LAMA3: variants seen among roughly 807,000 people sequenced by gnomAD.
LAMA3 encodes laminin subunit alpha-3.
A neutral mutation model predicts 402.0 loss-of-function variants in LAMA3; 281 were observed. The ratio of observed to expected loss-of-function variants is 0.70; its 90% confidence interval spans 0.63 to 0.77. The LOEUF (loss-of-function observed/expected upper bound fraction) is 0.77. Among genes scored for constraint, LAMA3 ranks in the 30% least tolerant of loss-of-function variants. LAMA3 has a pLI of 0.00. For synonymous variants in LAMA3, 1,431 were observed against 1,558.4 expected, an observed-to-expected ratio of 0.92 and a Z score of 1.93; for missense variants, 3,840 against 4,215.5, an observed-to-expected ratio of 0.91 and a Z score of 2.47.
At chr18:23,896,166 A>G (rs915889435) in intron 44 of LAMA3, among the ~76,000 whole-genome samples, 1 of 151,828 alleles carries the variant, frequency 6.6e-6, no homozygotes, top group Non-Finnish European at 1.5e-5. Flanking sequence ...TGAAACTCCA[A>G]CTCTACTAAA....
chr18:23,926,032 G>A (rs2145354432), intron 62 of LAMA3, among the ~76,000 whole-genome samples: 1 of 152,336 alleles, frequency 6.6e-6, no homozygotes, highest in South Asian at 2.1e-4. Flanking sequence ...TATGGGCATA[G>A]TAGCTGCCTA....
At chr18:23,793,075 A>C (rs1396313233) in intron 12 of LAMA3, among the ~76,000 whole-genome samples, 1 of 152,328 alleles carries the variant, frequency 6.6e-6, no homozygotes, top group East Asian at 1.9e-4. Context: ...AACTGTAGAC[A>C]GAGCACTTCC....
chr18:23,713,878 T>C lies in LAMA3; in HGVS notation c.295-42T>C, dbSNP rs765497590. ...AAAAAATTACTTGAAAGTAAAAAAA[T>C]AAAAAACAAAAAACAAAAAAAACCC... On this transcript the variant is annotated intron_variant, in intron 1 of 74. Transcript: ENST00000313654. 3.8e-6 allele frequency: 6 copies of C among 1,587,046 alleles called. No homozygotes were observed. In the East Asian group the frequency reaches 9.0e-5, roughly 24 times the overall value.
Position 23,904,714 on chromosome 18 carries a change from G to A in LAMA3, c.6615+20G>A, listed in dbSNP as rs2081188171. 6.2e-7 allele frequency: 1 copy of A among 1,613,426 alleles called. No individual in the cohort carries two copies. The highest frequency in any genetic ancestry group is 8.5e-7 in the Non-Finnish European group (1 of 1,179,632). On this transcript the variant is annotated intron_variant, in intron 51 of 74. Transcript: ENST00000313654. ...CTCCAGGTGGGCACCTGTACCAGCA[G>A]CTTCTCCACATTCGCTGTGGAGATG...
At chr18:23,735,436 T>A (rs1240606542) in intron 2 of LAMA3, among the ~76,000 whole-genome samples, 2 of 152,246 alleles carry the variant, frequency 1.3e-5, no homozygotes, top group African/African-American at 4.8e-5. Context: ...GAGCTGCTCA[T>A]ACGTCTTCGT....
chr18:23,928,296 G>C, intron 63 of LAMA3, 56 bp downstream of exon 63: 2 of 1,120,910 alleles, frequency 1.8e-6, no homozygotes, highest in South Asian at 1.3e-5. Flanking sequence ...CCCACCTTCC[G>C]TATCCATTAA....
rs188538612 is a variant in LAMA3, at chr18:23,918,988, C to T, written c.7924-1947C>T. Among the ~76,000 whole-genome samples, 60 of 152,306 alleles carry T rather than the reference C, an allele frequency of 3.9e-4. No individual in the cohort carries two copies. Among genetic ancestry groups the T allele is most frequent in the Middle Eastern group, 3.4e-3 (1 of 294 alleles). Reference sequence around the variant, plus strand: ...GAAGTCATCCAGCATCTTCAGGACACGGCAGTTGTTTTACAAAACAAGGTC... The same window carrying T: ...GAAGTCATCCAGCATCTTCAGGACATGGCAGTTGTTTTACAAAACAAGGTC... On this transcript the variant is annotated intron_variant, in intron 60 of 74. Coordinates refer to ENST00000313654, the MANE Select transcript of LAMA3 (RefSeq NM_198129.4). This position sits in a 1 kb window ranked among gnomAD's most constrained non-coding sequence, Gnocchi z 4.1.
At chr18:23,836,382 A>T (rs1248304841) in intron 24 of LAMA3, among the ~76,000 whole-genome samples, 1 of 152,260 alleles carries the variant, frequency 6.6e-6, no homozygotes, top group Non-Finnish European at 1.5e-5. Context: ...TTACTCAAAA[A>T]GTACCTCCTC....
At chr18:23,831,554 C>T (rs1028632017) in intron 23 of LAMA3, among the ~76,000 whole-genome samples, 4 of 152,122 alleles carry the variant, frequency 2.6e-5, no homozygotes, top group South Asian at 2.1e-4. Context: ...CTCATCTCCT[C>T]GACTAGCTCA....
At chr18:23,945,903 T>C (rs1315758664) in intron 69 of LAMA3, among the ~76,000 whole-genome samples, 3 of 152,176 alleles carry the variant, frequency 2.0e-5, no homozygotes, top group Non-Finnish European at 4.4e-5. Context: ...TTTTGATTAG[T>C]TCACTTCTAA....
At chr18:23,949,659 C>A in intron 70 of LAMA3, 106 bp from the exon 71 acceptor site, 2 of 1,072,702 alleles carry the variant, frequency 1.9e-6, no homozygotes, top group Non-Finnish European at 2.9e-6. Flanking sequence ...GAATCCCTAC[C>A]TACCTTCCCC....
In LAMA3 at chr18:23,901,262, C is replaced by T. The variant is rs143370969; in HGVS notation, c.6140C>T (p.Ala2047Val). Residue 2047 changes from alanine to valine, a missense_variant, in exon 48 of 75, where the codon GCC becomes GTC. Ala to Val is a moderately conservative substitution (Grantham distance 64). This residue lies in a region of LAMA3 where 891 missense variants were observed against 857.5 expected (regional missense o/e 1.04). Coordinates refer to ENST00000313654, the MANE Select transcript of LAMA3 (RefSeq NM_198129.4). ...CGTGCTCGGCTGCAGGAGGCAGCTG[C>T]CCAAGCCAAGCAGGCAAATGGCTTG... ...DLRARLQEAA[A>V]QAKQANGLNQ... 1.4e-5 allele frequency: 22 copies of T among 1,614,030 alleles called. No individual in the cohort carries two copies. In the African/African-American group the frequency reaches 2.8e-4, roughly 21 times the overall value.
intron 2 of LAMA3, among the ~76,000 whole-genome samples, chr18:23,724,960 T>C (rs2061272574): frequency 6.6e-6 from 1 of 152,202 alleles, no homozygotes; most frequent in Non-Finnish European, 1.5e-5. Context: ...CTTCACTCTT[T>C]CCTTCCTGAT....
chr18:23,844,632 C>T (rs527890038), intron 29 of LAMA3, among the ~76,000 whole-genome samples: 2 of 152,308 alleles, frequency 1.3e-5, no homozygotes, highest in East Asian at 3.9e-4. Context: ...TTCATAAATC[C>T]TGATTCATTT....
In LAMA3 at chr18:23,833,826, A is replaced by G; in HGVS notation, c.2824-2A>G. On this transcript the variant is annotated splice_acceptor_variant, in intron 23 of 74. Coordinates refer to ENST00000313654, the MANE Select transcript of LAMA3 (RefSeq NM_198129.4). LOFTEE classifies it high-confidence loss of function. ...AGTCTGTCTGCTTGGCCTCTGTGAC[A>G]GGTGGAATTGCATCTGCGGCTGCGC... is the stretch of plus-strand genomic sequence containing the variant. The G allele has an allele frequency of 1.9e-6, 3 of 1,612,796 alleles. No homozygotes were observed. The highest frequency in any genetic ancestry group is 2.5e-6 in the Non-Finnish European group (3 of 1,179,986).
At chr18:23,866,799 G>A (rs1328672821) in intron 36 of LAMA3, among the ~76,000 whole-genome samples, 1 of 152,190 alleles carries the variant, frequency 6.6e-6, no homozygotes, top group African/African-American at 2.4e-5. Context: ...AGAGCCTCTA[G>A]GGCATGTTTC....
intron 59 of LAMA3, 58 bp downstream of exon 59, chr18:23,915,480 C>A: frequency 2.7e-6 from 4 of 1,504,728 alleles, no homozygotes; most frequent in African/African-American, 1.4e-5. Context: ...ACTTGCAGTA[C>A]TTTTACATAT....
intron 32 of LAMA3, among the ~76,000 whole-genome samples, chr18:23,850,345 T>C (rs145081602): frequency 7.2e-5 from 11 of 152,370 alleles, no homozygotes; most frequent in African/African-American, 2.6e-4. Context: ...TCTACAATAC[T>C]CACTCTTTAC....
intron 27 of LAMA3, among the ~76,000 whole-genome samples, chr18:23,840,376 TCTTTC>T (rs2063671526): frequency 9.3e-6 from 1 of 107,558 alleles, no homozygotes; most frequent in Non-Finnish European, 1.7e-5. Context: ...CAAGAACCTT[TCTTTC>T]TTTTTTTTTT....
Sources: gnomAD v4.1 joint callset for allele counts (sites outside exome capture counted in the v4.1 genomes callset) on GRCh38, gnomAD v4.1.1 for gene constraint, gnomAD v4.1.1 regional missense constraint, Gnocchi (gnomAD v3.1) non-coding constraint, MANE v1.5 for transcripts, NCBI Gene and HGNC (gene_info 2026-07-23, HGNC 2026-07-21) for gene names.